Variants in NOD1 observed in about 807,000 individuals in gnomAD.
The protein encoded by NOD1 is nucleotide-binding oligomerization domain-containing protein 1.
Under a neutral mutation model 81.2 loss-of-function variants are expected in NOD1, and 70 were observed. The observed-to-expected ratio is 0.86, with a 90% confidence interval of 0.71 to 1.05. The LOEUF (loss-of-function observed/expected upper bound fraction) is 1.05, where lower values mean the gene tolerates loss of function less well. NOD1 is among the 50% of genes least tolerant of loss of function. The pLI, the probability that NOD1 is intolerant of heterozygous loss-of-function variation, is 0.00. For missense variants in NOD1, 1,233 were observed against 1,228.0 expected, an observed-to-expected ratio of 1.00 and a Z score of -0.06; for synonymous variants, 508 against 526.9, an observed-to-expected ratio of 0.96 and a Z score of 0.49.
At chr7:30,436,193 C>T in intron 10 of NOD1, 112 bp from the exon 11 acceptor site, 1 of 812,784 alleles carries the variant, frequency 1.2e-6, no homozygotes, top group Non-Finnish European at 2.0e-6. Context: ...CCAGCCCAGG[C>T]TCACTCGGGG....
Position 30,451,924 on chromosome 7 carries a change from A to G in NOD1, c.1493T>C (p.Leu498Pro), listed in dbSNP as rs1233434272. The part of the protein sequence containing the change: ...LQERDMQLGF[L>P]RALPELGPGG... ...GGGGCCCAGCTCCGGCAAAGCCCGC[A>G]GGAAGCCCAGCTGCATGTCTCTCTC... Residue 498 changes from leucine (L) to proline (P), a missense_variant, in exon 6 of 14, where the codon CTG (leucine) becomes CCG (proline). Physicochemically the swap from Leu to Pro is moderately conservative, Grantham distance 98. Coordinates refer to ENST00000222823, the MANE Select transcript of NOD1 (RefSeq NM_006092.4). This position sits in a 1 kb window ranked among gnomAD's most constrained non-coding sequence, Gnocchi z 4.2. 1 of 1,613,518 alleles carries G rather than the reference A, an allele frequency of 6.2e-7. No homozygotes were observed. The highest frequency in any genetic ancestry group is 2.2e-5 in the East Asian group (1 of 44,850).
chr7:30,432,429 A>G (rs946539113), intron 12 of NOD1, among the ~76,000 whole-genome samples: 4 of 152,244 alleles, frequency 2.6e-5, no homozygotes, highest in Admixed American at 1.3e-4. Flanking sequence ...TAGATTTTAA[A>G]AGATGGACAA....
At chr7:30,461,979 C>T (rs1455987664) in intron 1 of NOD1, among the ~76,000 whole-genome samples, 1 of 152,178 alleles carries the variant, frequency 6.6e-6, no homozygotes, top group African/African-American at 2.4e-5. Flanking sequence ...ACCTCGTGAT[C>T]CACCCACCTC....
intron 11 of NOD1, among the ~76,000 whole-genome samples, chr7:30,434,909 T>C (rs1784252041): frequency 1.3e-5 from 2 of 151,998 alleles, no homozygotes; most frequent in South Asian, 4.1e-4. Flanking sequence ...AGGGTTGTAA[T>C]ACAACTCCCT....
intron 13 of NOD1, among the ~76,000 whole-genome samples, chr7:30,426,014 TCTCC>T (rs1783417238): frequency 6.6e-6 from 1 of 152,160 alleles, no homozygotes; most frequent in African/African-American, 2.4e-5. Context: ...TGACCTCTCC[TCTCC>T]CTCCTTCTTG....
In NOD1 at chr7:30,468,572, A is replaced by G. The variant is rs79519442; in HGVS notation, c.-351-8531T>C. 1.1e-3 allele frequency among the ~76,000 whole-genome samples: 173 copies of G among 152,344 alleles called. 1 individual carries two copies. Among genetic ancestry groups the G allele is most frequent in the African/African-American group, 4.0e-3 (166 of 41,580 alleles). ...GACATTCTGCCCACCACCATCCTGG[A>G]CAATAGGAATAGATAACTGATATTC... is the stretch of plus-strand genomic sequence containing the variant. On this transcript the variant is annotated intron_variant, in intron 1 of 13. Coordinates refer to ENST00000222823, the MANE Select transcript of NOD1 (RefSeq NM_006092.4).
chr7:30,448,858 C>T (rs1186025798), intron 6 of NOD1, among the ~76,000 whole-genome samples: 2 of 152,166 alleles, frequency 1.3e-5, no homozygotes, highest in Non-Finnish European at 2.9e-5. Context: ...ACAGGTCTCA[C>T]AAGAACTGTT....
intron 4 of NOD1, among the ~76,000 whole-genome samples, chr7:30,456,010 G>A (rs1786332095): frequency 6.6e-6 from 1 of 152,214 alleles, no homozygotes; most frequent in Non-Finnish European, 1.5e-5. Flanking sequence ...CACACAGTAG[G>A]AGGGCGATAG....
At chr7:30,432,224 C>G (rs995108533) in intron 12 of NOD1, among the ~76,000 whole-genome samples, 3 of 152,046 alleles carry the variant, frequency 2.0e-5, no homozygotes, top group African/African-American at 7.2e-5. Context: ...GTCTAGCACC[C>G]AGAATATATA....
chr7:30,472,448 A>T (rs1256394135), intron 1 of NOD1, among the ~76,000 whole-genome samples: 1 of 152,150 alleles, frequency 6.6e-6, no homozygotes, highest in East Asian at 1.9e-4. Flanking sequence ...TTCTGCTCTG[A>T]TCTCCTGTCT....
At chr7:30,436,176 T>A in intron 10 of NOD1, 95 bp from the exon 11 acceptor site, 1 of 999,004 alleles carries the variant, frequency 1.0e-6, no homozygotes, top group Non-Finnish European at 1.5e-6. Flanking sequence ...TCTGCCTGGC[T>A]GTGGCCCCAG....
intron 12 of NOD1, 52 bp downstream of exon 12, chr7:30,433,044 A>C (rs897098514): frequency 7.2e-7 from 1 of 1,392,738 alleles, no homozygotes; most frequent in Non-Finnish European, 1.0e-6. Context: ...TTATCTCAAA[A>C]AATACTTTTG....
intron 13 of NOD1, 57 bp downstream of exon 13, chr7:30,429,315 CAG>C: frequency 7.2e-7 from 1 of 1,396,890 alleles, no homozygotes; most frequent in Non-Finnish European, 1.0e-6. Flanking sequence ...CTTGCACAGT[CAG>C]TGGTGGTGAG....
chr7:30,473,393 T>C (rs765720009), intron 1 of NOD1, among the ~76,000 whole-genome samples: 1 of 152,226 alleles, frequency 6.6e-6, no homozygotes, highest in Non-Finnish European at 1.5e-5. Context: ...TGGGATCTCC[T>C]AGGCCTGGTT....
intron 1 of NOD1, among the ~76,000 whole-genome samples, chr7:30,461,253 C>T (rs1370125538): frequency 6.6e-6 from 1 of 152,210 alleles, no homozygotes; most frequent in Non-Finnish European, 1.5e-5. Context: ...TCTCGGCTCA[C>T]TGCAGCCTCC....
At chr7:30,455,642 G>A (rs1786279411) in intron 4 of NOD1, among the ~76,000 whole-genome samples, 1 of 149,658 alleles carries the variant, frequency 6.7e-6, no homozygotes. Context: ...CACCCAGGCT[G>A]GAGGGCTGGA....
At chr7:30,453,087 G>A (rs1422553503) in intron 5 of NOD1, 47 bp from the exon 6 acceptor site, 2 of 1,550,456 alleles carry the variant, frequency 1.3e-6, no homozygotes, top group Non-Finnish European at 1.7e-6. Flanking sequence ...GAGGAGAGAG[G>A]CAGAAACAGC....
rs755412898 is a variant in NOD1, at chr7:30,429,418, C to T, written c.2745G>A (p.Gln915=). 1 of 1,614,200 alleles carries T rather than the reference C, an allele frequency of 6.2e-7. No homozygotes were observed. The highest frequency in any genetic ancestry group is 8.5e-7 in the Non-Finnish European group (1 of 1,180,006). The change falls in exon 13 of 14, where the codon CAG becomes CAA. Residue 915 remains glutamine, a synonymous_variant. Transcript: ENST00000222823. ...TGTTGCTCTGTAACGCATCTGCCAG[C>T]TGGGCAGTCCCCTTAGCTGTGATCT... ...QNQITAKGTA[Q]LADALQSNTG... is the part of the protein sequence containing the mutation.
At chr7:30,458,152 G>C (rs529048308) in intron 3 of NOD1, among the ~76,000 whole-genome samples, 2 of 152,154 alleles carry the variant, frequency 1.3e-5, no homozygotes, top group East Asian at 3.9e-4. Flanking sequence ...AAAACATTTG[G>C]GTTCATCTGA....
Sources: gnomAD v4.1 joint callset for allele counts (sites outside exome capture counted in the v4.1 genomes callset) on GRCh38, gnomAD v4.1.1 for gene constraint, Gnocchi (gnomAD v3.1) non-coding constraint, MANE v1.5 for transcripts, NCBI Gene and HGNC (gene_info 2026-07-23, HGNC 2026-07-21) for gene names.